Variants in ITPR2 observed in about 807,000 individuals in gnomAD.
ITPR2 encodes inositol 1,4,5-trisphosphate-gated calcium channel ITPR2.
Under a neutral mutation model 317.1 loss-of-function variants are expected in ITPR2, and 207 were observed. The ratio of observed to expected loss-of-function variants is 0.65; its 90% CI spans 0.58 to 0.73. ITPR2 has a LOEUF of 0.73. Ranked by LOEUF, ITPR2 falls within the 30% of genes least tolerant of loss-of-function variation. ITPR2 has a pLI of 0.00. For synonymous variants in ITPR2, 1,156 were observed against 1,149.1 expected (o/e 1.01, Z -0.12); for missense variants, 2,613 against 3,284.0 (o/e 0.80, Z 4.99).
At chr12:26,544,625 C>G (rs1401118804) in intron 37 of ITPR2, among the ~76,000 whole-genome samples, 1 of 147,218 alleles carries the variant, frequency 6.8e-6, no homozygotes, top group Non-Finnish European at 1.5e-5. Flanking sequence ...CACACACACA[C>G]ATACACCACT....
chr12:26,623,466 A>G (rs961948689), intron 24 of ITPR2: 7 of 152,176 alleles, frequency 4.6e-5, no homozygotes, highest in African/African-American at 1.7e-4. Flanking sequence ...GCATATTGTT[A>G]TAATTGTTTT....
chr12:26,558,228 C>T (rs577256778), intron 35 of ITPR2, among the ~76,000 whole-genome samples: 4 of 152,092 alleles, frequency 2.6e-5, no homozygotes, highest in Admixed American at 6.5e-5. Context: ...TTTAGATTAC[C>T]TCTTCTTTGT....
intron 2 of ITPR2, among the ~76,000 whole-genome samples, chr12:26,736,562 A>T (rs537371616): frequency 6.6e-6 from 1 of 152,308 alleles, no homozygotes; most frequent in African/African-American, 2.4e-5. Context: ...TCAACTTAAC[A>T]TAATTAGAAT....
intron 2 of ITPR2, among the ~76,000 whole-genome samples, chr12:26,738,507 C>A (rs1949169553): frequency 6.6e-6 from 1 of 152,066 alleles, no homozygotes; most frequent in Non-Finnish European, 1.5e-5. Context: ...TCCTTTCCTA[C>A]CTATTCTTTT....
At chr12:26,748,720 A>G (rs1949367357) in intron 2 of ITPR2, among the ~76,000 whole-genome samples, 1 of 152,230 alleles carries the variant, frequency 6.6e-6, no homozygotes. Flanking sequence ...ACTGTGAAAC[A>G]GTAGGTGGGA....
chr12:26,779,197 G>A (rs1950033581), intron 2 of ITPR2, among the ~76,000 whole-genome samples: 1 of 152,156 alleles, frequency 6.6e-6, no homozygotes, highest in Middle Eastern at 3.2e-3. Flanking sequence ...CTCCATAGGT[G>A]AATCACAGTG....
chr12:26,559,579 G>A lies in ITPR2; in HGVS notation c.4821+2183C>T, dbSNP rs554123260. On this transcript the variant is annotated intron_variant, in intron 35 of 56. Transcript: ENST00000381340. ...TACTAATACTAATACTATCCCCTTG[G>A]GGGTTAGAATTTCAGCATATGAATT... Among the ~76,000 whole-genome samples, 14 of 151,972 alleles carry A rather than the reference G, an allele frequency of 9.2e-5. No homozygotes were observed. In the South Asian group the frequency reaches 2.9e-3, roughly 32 times the overall value.
chr12:26,821,061 G>A (rs964666706), intron 1 of ITPR2, among the ~76,000 whole-genome samples: 4 of 152,208 alleles, frequency 2.6e-5, no homozygotes, highest in Non-Finnish European at 5.9e-5. Flanking sequence ...GCAGAGCAGT[G>A]ATGGTTGCTC....
intron 45 of ITPR2, among the ~76,000 whole-genome samples, chr12:26,464,794 C>T (rs917374591): frequency 7.9e-5 from 12 of 152,160 alleles, no homozygotes; most frequent in African/African-American, 2.7e-4. Flanking sequence ...CGTGGTGTGC[C>T]ATGGGCACAC....
intron 22 of ITPR2, 112 bp from the exon 23 acceptor site, chr12:26,628,274 T>A: frequency 1.4e-6 from 1 of 734,328 alleles, no homozygotes; most frequent in African/African-American, 1.8e-5. Context: ...AAGGAACTAG[T>A]TAGAAGCTTT....
chr12:26,702,833 G>A (rs1948474601), intron 9 of ITPR2, among the ~76,000 whole-genome samples: 1 of 152,106 alleles, frequency 6.6e-6, no homozygotes, highest in Non-Finnish European at 1.5e-5. Context: ...CTATCTTGCA[G>A]GATAAAACTT....
intron 46 of ITPR2, among the ~76,000 whole-genome samples, chr12:26,441,256 G>A (rs567564298): frequency 6.6e-6 from 1 of 152,164 alleles, no homozygotes; most frequent in Non-Finnish European, 1.5e-5. Context: ...CAGATCATTA[G>A]AGGGCAATTC....
chr12:26,688,120 C>T (rs751542145), intron 10 of ITPR2, among the ~76,000 whole-genome samples: 25 of 152,120 alleles, frequency 1.6e-4, no homozygotes, highest in Non-Finnish European at 2.9e-4. Context: ...ACTATAGTCT[C>T]GCTCTCCAGG....
chr12:26,483,684 A>G lies in ITPR2; in HGVS notation c.6012+14T>C. On this transcript the variant is annotated intron_variant, in intron 42 of 56. Coordinates refer to ENST00000381340, the MANE Select transcript of ITPR2 (RefSeq NM_002223.4). Reference sequence around the variant, plus strand: ...TAATCCCTTTACTAATTAGTCATGGATACTTCTGGTTACCTGATTTTCATG... The same window carrying G: ...TAATCCCTTTACTAATTAGTCATGGGTACTTCTGGTTACCTGATTTTCATG... 1 of 1,597,658 alleles carries G rather than the reference A, an allele frequency of 6.3e-7. No individual in the cohort carries two copies. The highest frequency in any genetic ancestry group is 8.6e-7 in the Non-Finnish European group (1 of 1,164,976).
intron 22 of ITPR2, 118 bp downstream of exon 22, chr12:26,631,748 A>T: frequency 1.2e-6 from 1 of 843,828 alleles, no homozygotes; most frequent in South Asian, 1.8e-5. Flanking sequence ...TAAAAAAATA[A>T]AATTATATTG....
At chr12:26,579,876 G>A in intron 33 of ITPR2, 151 bp downstream of exon 33, 1 of 512,110 alleles carries the variant, frequency 2.0e-6, no homozygotes, top group Non-Finnish European at 3.3e-6. Flanking sequence ...AGTAAAGTTT[G>A]GTAAACTCAG....
intron 13 of ITPR2, among the ~76,000 whole-genome samples, chr12:26,678,680 T>C (rs762018618): frequency 2.0e-5 from 3 of 152,226 alleles, no homozygotes; most frequent in Non-Finnish European, 4.4e-5. Context: ...AATTGTACCT[T>C]CATATTTCTT....
chr12:26,443,626 G>C lies in ITPR2; in HGVS notation c.6367C>G (p.Gln2123Glu). 2 of 1,612,904 alleles carry C rather than the reference G, an allele frequency of 1.2e-6. No homozygotes were observed. Among genetic ancestry groups the C allele is most frequent in the Non-Finnish European group, 1.7e-6 (2 of 1,179,142 alleles). ...TCCGATCCTGGTTTGAGCATCTGCT[G>C]CAACAGTTTATTGTGGCGGGCCAAC... ...HQLARHNKLL[Q>E]QMLKPGSDPD... The change falls in exon 46 of 57, where the codon CAG (glutamine) becomes GAG (glutamate). Residue 2123 changes from glutamine (Q) to glutamate (E), a missense_variant. Gln to Glu is a conservative substitution (Grantham distance 29). This residue lies in a region of ITPR2 where 926 missense variants were observed against 1,072.8 expected (regional missense o/e 0.86). Transcript: ENST00000381340.
intron 35 of ITPR2, among the ~76,000 whole-genome samples, chr12:26,556,729 T>C (rs1408725768): frequency 2.0e-5 from 3 of 148,888 alleles, no homozygotes; most frequent in African/African-American, 5.0e-5. Context: ...TGAGAGGTAC[T>C]CATTACTTTG....
Sources: gnomAD v4.1 joint callset for allele counts (sites outside exome capture counted in the v4.1 genomes callset) on GRCh38, gnomAD v4.1.1 for gene constraint, gnomAD v4.1.1 regional missense constraint, MANE v1.5 for transcripts, NCBI Gene and HGNC (gene_info 2026-07-23, HGNC 2026-07-21) for gene names.